LINC00632: variants seen among roughly 807,000 people sequenced by gnomAD.
The protein encoded by LINC00632 is ALDOA related specific transcript.
rs778951571 is a variant in LINC00632 at position 140,732,559 on chromosome X, A to G, written n.105-1319A>G. Among the ~76,000 whole-genome samples the G allele has an allele frequency of 2.3e-3, 252 of 111,839 alleles. 1 individual carries two copies. The highest frequency in any genetic ancestry group is 7.9e-3 in the African/African-American group (243 of 30,806). On this transcript the variant is annotated intron_variant and non_coding_transcript_variant, in intron 2 of 4. Coordinates refer to ENST00000648200, the Ensembl canonical transcript of LINC00632. ...TGTTCTACAAATCTATGTTCGTGAC[A>G]TACAAGTCCTAAATGCACATTGAAT...
At chrX:140,765,121 G>T (rs1446255370) in intron 3 of LINC00632, among the ~76,000 whole-genome samples, 3 of 111,908 alleles carry the variant, frequency 2.7e-5, no homozygotes, top group African/African-American at 9.7e-5. Context: ...GCACTTGAAC[G>T]ACTTAGCCTC....
At chrX:140,771,677 A>ATTTT (rs762752921) in intron 3 of LINC00632, among the ~76,000 whole-genome samples, 3 of 56,278 alleles carry the variant, frequency 5.3e-5, no homozygotes, top group Admixed American at 2.3e-4. Context: ...ATATATATAT[A>ATTTT]TATATATATT....
intron 2 of LINC00632, among the ~76,000 whole-genome samples, chrX:140,727,605 A>G (rs1930985183): frequency 9.0e-6 from 1 of 111,024 alleles, no homozygotes; most frequent in Non-Finnish European, 1.9e-5. Flanking sequence ...GAACAATTTT[A>G]CCTCACAGTG....
chrX:140,725,548 T>C (rs759054445), intron 2 of LINC00632, among the ~76,000 whole-genome samples: 4 of 100,363 alleles, frequency 4.0e-5, no homozygotes, highest in Non-Finnish European at 8.2e-5. Flanking sequence ...ATTGTCTCCA[T>C]CATATGCACA....
intron 1 of LINC00632, among the ~76,000 whole-genome samples, chrX:140,710,921 C>T (rs890144728): frequency 9.0e-6 from 1 of 111,283 alleles, no homozygotes; most frequent in South Asian, 3.8e-4. Context: ...GAACAGAGCA[C>T]TGCGGCAAAG....
In LINC00632 at chrX:140,741,210, A is replaced by G. The variant is rs149009839; in HGVS notation, n.191+7246A>G. On this transcript the variant is annotated intron_variant and non_coding_transcript_variant, in intron 3 of 4. Coordinates refer to ENST00000648200, the Ensembl canonical transcript of LINC00632. ...GTTGAAACAGTAAAGGTTGAAACAG[A>G]TGTAAAAGATGATTTATTCCTCTCT... Among the ~76,000 whole-genome samples the G allele has an allele frequency of 4.4e-3, 497 of 112,381 alleles. 3 individuals carry two copies. The highest frequency in any genetic ancestry group is 0.015 in the African/African-American group (468 of 30,970).
chrX:140,737,610 C>T lies in LINC00632; in HGVS notation n.191+3646C>T, dbSNP rs73590173. Among the ~76,000 whole-genome samples the T allele has an allele frequency of 9.9e-3, 1,104 of 111,760 alleles. 20 individuals are homozygous for T. The highest frequency in any genetic ancestry group is 0.035 in the African/African-American group (1,061 of 30,742). On this transcript the variant is annotated intron_variant and non_coding_transcript_variant, in intron 3 of 4. Transcript: ENST00000648200. ...TATCAATTAATAAGCCTCTCTTCAT[C>T]CCTCCCCTCCTGCCTATACAGCCTT...
chrX:140,764,686 G>A (rs997446272), intron 3 of LINC00632: 5 of 112,047 alleles, frequency 4.5e-5, no homozygotes, highest in Non-Finnish European at 9.4e-5. Context: ...GTGGCTCGGA[G>A]CAGCCAGACC....
intron 3 of LINC00632, among the ~76,000 whole-genome samples, chrX:140,736,222 T>C (rs919236875): frequency 1.8e-5 from 2 of 110,681 alleles, no homozygotes; most frequent in South Asian, 7.5e-4. Flanking sequence ...AATTAAACAA[T>C]GTAGTATGTG....
At chrX:140,768,020 C>G (rs886528882) in intron 3 of LINC00632, among the ~76,000 whole-genome samples, 2 of 111,596 alleles carry the variant, frequency 1.8e-5, no homozygotes, top group Non-Finnish European at 3.8e-5. Flanking sequence ...GACAGACATT[C>G]AAACCATAAC....
intron 3 of LINC00632, among the ~76,000 whole-genome samples, chrX:140,762,854 G>C (rs887161410): frequency 8.9e-6 from 1 of 111,896 alleles, no homozygotes; most frequent in African/African-American, 3.3e-5. Context: ...TTAGGTGAAA[G>C]ATTGTACAAA....
chrX:140,733,630 T>C (rs1931095960), intron 2 of LINC00632, among the ~76,000 whole-genome samples: 1 of 112,370 alleles, frequency 8.9e-6, no homozygotes, highest in African/African-American at 3.2e-5. Flanking sequence ...TAGGATTTGG[T>C]TTTTGTGGTC....
intron 2 of LINC00632, among the ~76,000 whole-genome samples, chrX:140,717,644 C>T (rs921949930): frequency 2.2e-4 from 25 of 111,136 alleles, no homozygotes; most frequent in Non-Finnish European, 3.0e-4. Context: ...TAGTCTCAAC[C>T]CACATGATAT....
intron 3 of LINC00632, among the ~76,000 whole-genome samples, chrX:140,754,590 C>T (rs1425018773): frequency 9.0e-6 from 1 of 111,548 alleles, no homozygotes; most frequent in African/African-American, 3.3e-5. Flanking sequence ...TGCATCTTGT[C>T]TCCCAGGGAG....
At chrX:140,782,051 C>A (rs1484965983) in exon 5 of LINC00632, among the ~76,000 whole-genome samples, 1 of 112,187 alleles carries the variant, frequency 8.9e-6, no homozygotes, top group South Asian at 3.7e-4. Flanking sequence ...TAGCTTCCAA[C>A]CCATTCAAAC....
At chrX:140,779,748 A>C (rs1334941717) in exon 5 of LINC00632, among the ~76,000 whole-genome samples, 1 of 112,331 alleles carries the variant, frequency 8.9e-6, no homozygotes, top group African/African-American at 3.2e-5. Context: ...TTGCATTGCT[A>C]CGTAAAGCCA....
At chrX:140,731,990 G>A (rs1199924040) in intron 2 of LINC00632, among the ~76,000 whole-genome samples, 1 of 111,075 alleles carries the variant, frequency 9.0e-6, no homozygotes, top group African/African-American at 3.3e-5. Context: ...GATCACCCGA[G>A]GTCAGGAGTT....
chrX:140,772,707 C>T, exon 4 of LINC00632: 1 of 140,315 alleles, frequency 7.1e-6, no homozygotes, highest in Non-Finnish European at 1.4e-5. Flanking sequence ...CGGGGGCACA[C>T]AAGAATCACT....
At chrX:140,759,343 TCC>T (rs1491359899) in intron 3 of LINC00632, among the ~76,000 whole-genome samples, 2 of 49,715 alleles carry the variant, frequency 4.0e-5, no homozygotes, top group African/African-American at 6.6e-5. Context: ...CTTCCTTCCT[TCC>T]TTTCTTTCTT....
Sources: allele counts gnomAD v4.1 joint callset (sites outside exome capture counted in the v4.1 genomes callset), GRCh38; gene constraint gnomAD v4.1.1; transcripts MANE v1.5; gene names NCBI Gene and HGNC (gene_info 2026-07-23, HGNC 2026-07-21).